Variants in AGMO observed in about 807,000 individuals in gnomAD.
AGMO encodes glyceryl-ether monooxygenase.
A neutral mutation model predicts 60.2 loss-of-function variants in AGMO; 75 were observed. The observed-to-expected ratio is 1.25, with a 90% CI of 1.03 to 1.51. AGMO has a LOEUF of 1.51. AGMO is among the 40% of genes most tolerant of loss of function. The pLI is 0.00. For synonymous variants in AGMO, 261 were observed against 177.1 expected (o/e 1.47, Z -3.76); for missense variants, 763 against 525.5 (o/e 1.45, Z -4.42).
At chr7:15,347,907 C>G (rs1338888639) in intron 12 of AGMO, among the ~76,000 whole-genome samples, 2 of 151,954 alleles carry the variant, frequency 1.3e-5, no homozygotes, top group African/African-American at 4.8e-5. Context: ...ATAGAGGATA[C>G]TGATGGGAGA....
chr7:15,506,235 G>A (rs1783509504), intron 3 of AGMO, among the ~76,000 whole-genome samples: 1 of 151,714 alleles, frequency 6.6e-6, no homozygotes, highest in South Asian at 2.1e-4. Flanking sequence ...GCCAGAAACT[G>A]AATGTAAATG....
At chr7:15,373,209 A>T (rs978870238) in intron 10 of AGMO, among the ~76,000 whole-genome samples, 5 of 151,598 alleles carry the variant, frequency 3.3e-5, no homozygotes, top group East Asian at 1.9e-4. Flanking sequence ...AACTGGGAGG[A>T]GGTGGTTTCA....
At chr7:15,245,907 C>T (rs1782726364) in intron 12 of AGMO, among the ~76,000 whole-genome samples, 1 of 152,160 alleles carries the variant, frequency 6.6e-6, no homozygotes, top group African/African-American at 2.4e-5. Context: ...TATAGGTCAT[C>T]ATCCCCAGGC....
intron 3 of AGMO, among the ~76,000 whole-genome samples, chr7:15,467,128 T>C (rs1782315014): frequency 6.6e-6 from 1 of 152,174 alleles, no homozygotes; most frequent in South Asian, 2.1e-4. Flanking sequence ...GTAAATCCTA[T>C]TCAGTGTAAT....
chr7:15,407,716 G>C (rs1054610623), intron 5 of AGMO, among the ~76,000 whole-genome samples: 3 of 151,700 alleles, frequency 2.0e-5, no homozygotes, highest in African/African-American at 7.3e-5. Context: ...TTATGTGTGT[G>C]TATATTTGTA....
rs117660451 is a variant in AGMO, at chr7:15,434,028, A to C, written c.410-2920T>G. Among the ~76,000 whole-genome samples the C allele has an allele frequency of 5.3e-3, 805 of 152,070 alleles. 5 individuals carry two copies. Among genetic ancestry groups the C allele is most frequent in the African/African-American group, 0.018 (732 of 41,472 alleles). ...TGTTCGGCTGTATGAGTTTTTACCA[A>C]ATGCAGCTGTTTAATGATTACTGCA... On this transcript the variant is annotated intron_variant, in intron 3 of 12. Coordinates refer to ENST00000342526, the MANE Select transcript of AGMO (RefSeq NM_001004320.2).
At chr7:15,499,269 T>G (rs1271898802) in intron 3 of AGMO, among the ~76,000 whole-genome samples, 2 of 151,904 alleles carry the variant, frequency 1.3e-5, no homozygotes, top group African/African-American at 4.8e-5. Context: ...TAAAGATGTT[T>G]TTTTAAAAAA....
chr7:15,507,208 T>C (rs1300395131), intron 3 of AGMO, among the ~76,000 whole-genome samples: 1 of 152,022 alleles, frequency 6.6e-6, no homozygotes, highest in Non-Finnish European at 1.5e-5. Flanking sequence ...AGAAATATTG[T>C]TCTCAGTGGA....
chr7:15,235,329 T>C (rs926007213), intron 12 of AGMO, among the ~76,000 whole-genome samples: 7 of 152,144 alleles, frequency 4.6e-5, no homozygotes, highest in African/African-American at 9.7e-5. Context: ...CCTAGAATTT[T>C]GCAAAATTTT....
chr7:15,196,438 C>G (rs1280351461), downstream of AGMO, among the ~76,000 whole-genome samples: 1 of 152,164 alleles, frequency 6.6e-6, no homozygotes, highest in Non-Finnish European at 1.5e-5. Flanking sequence ...CTTACTTAAT[C>G]AGTATTACCT....
intron 3 of AGMO, among the ~76,000 whole-genome samples, chr7:15,448,857 G>A (rs549582784): frequency 1.3e-5 from 2 of 151,606 alleles, no homozygotes; most frequent in East Asian, 3.9e-4. Flanking sequence ...TAGAGATCTG[G>A]GCAGGTACCT....
chr7:15,382,186 A>G (rs1272274577), intron 10 of AGMO, among the ~76,000 whole-genome samples: 1 of 152,184 alleles, frequency 6.6e-6, no homozygotes, highest in Non-Finnish European at 1.5e-5. Context: ...TAAAAAAATT[A>G]AGATGGCTTT....
intron 3 of AGMO, among the ~76,000 whole-genome samples, chr7:15,482,703 G>C (rs1001024525): frequency 6.6e-6 from 1 of 152,070 alleles, no homozygotes; most frequent in African/African-American, 2.4e-5. Context: ...GAAAGTTGTA[G>C]GATAATCTGT....
chr7:15,137,389 T>C, the AGMO span, among the ~76,000 whole-genome samples: 1 of 152,246 alleles, frequency 6.6e-6, no homozygotes, highest in Non-Finnish European at 1.5e-5. Flanking sequence ...TTGTTATTTT[T>C]CCCTGTCCAT....
intron 12 of AGMO, among the ~76,000 whole-genome samples, chr7:15,303,984 C>T (rs1780531709): frequency 6.6e-6 from 1 of 151,980 alleles, no homozygotes; most frequent in African/African-American, 2.4e-5. Context: ...TCAAAATATC[C>T]AATACGATTT....
intron 5 of AGMO, among the ~76,000 whole-genome samples, chr7:15,417,969 C>T (rs1213897477): frequency 6.6e-6 from 1 of 152,042 alleles, no homozygotes; most frequent in African/African-American, 2.4e-5. Flanking sequence ...CAATCAGCTG[C>T]TTAATAATTA....
intron 10 of AGMO, 29 bp downstream of exon 10, chr7:15,385,417 T>A: frequency 7.4e-7 from 1 of 1,346,332 alleles, no homozygotes; most frequent in Non-Finnish European, 1.1e-6. Context: ...GATAATGTTC[T>A]CACACTACTT....
chr7:15,381,990 G>C (rs112924079), intron 10 of AGMO, among the ~76,000 whole-genome samples: 1 of 151,944 alleles, frequency 6.6e-6, no homozygotes, highest in Non-Finnish European at 1.5e-5. Context: ...ACATGGACAC[G>C]TAAGAGGAAC....
At chr7:15,424,651 C>T (rs542313403) in intron 4 of AGMO, among the ~76,000 whole-genome samples, 4 of 152,174 alleles carry the variant, frequency 2.6e-5, no homozygotes, top group African/African-American at 9.7e-5. Flanking sequence ...ATGATTCAAA[C>T]TATCCAAGAG....
Sources: allele counts gnomAD v4.1 joint callset (sites outside exome capture counted in the v4.1 genomes callset), GRCh38; gene constraint gnomAD v4.1.1; transcripts MANE v1.5; gene names NCBI Gene and HGNC (gene_info 2026-07-23, HGNC 2026-07-21).